SCN3A: variants seen among roughly 807,000 people sequenced by gnomAD.
SCN3A encodes the protein sodium channel protein type 3 subunit alpha.
Under a neutral mutation model 187.6 loss-of-function variants are expected in SCN3A, and 60 were observed. The observed-to-expected ratio is 0.32, with a 90% CI of 0.26 to 0.40. SCN3A has a LOEUF of 0.40. Among genes scored for constraint, SCN3A ranks in the 10% least tolerant of loss-of-function variants. The pLI is 1.00. For missense variants in SCN3A, 1,601 were observed against 2,428.2 expected (o/e 0.66, Z 7.16); for synonymous variants, 788 against 829.2 (o/e 0.95, Z 0.85).
At chr2:165,165,583 A>G (rs1689705057) in intron 5 of SCN3A, among the ~76,000 whole-genome samples, 1 of 152,116 alleles carries the variant, frequency 6.6e-6, no homozygotes, top group Non-Finnish European at 1.5e-5. Context: ...TTTTTTTCCC[A>G]AAATAGTTGA....
At chr2:165,142,482 C>T (rs1437855750) in intron 12 of SCN3A, among the ~76,000 whole-genome samples, 1 of 152,096 alleles carries the variant, frequency 6.6e-6, no homozygotes, top group African/African-American at 2.4e-5. Flanking sequence ...TTAGATTCTC[C>T]ACAGGAACTA....
rs761857235 is a variant in SCN3A at position 165,176,132 on chromosome 2, T to C, written c.263A>G (p.Lys88Arg). The change falls in exon 3 of 28, where the codon AAA becomes AGA. Residue 88 changes from lysine to arginine, a missense_variant and splice_region_variant. By Grantham distance (26) the Lys-to-Arg change is conservative. Around this residue, in one of 11 missense-constraint regions of SCN3A, gnomAD observed 122 missense variants for 225.1 expected, o/e 0.54. Transcript: ENST00000283254. The stretch of plus-strand genomic sequence containing the variant: ...TAGAAGTCTAAAATCAATACTCACT[T>C]TCTTATTGATATAGTAGGGATCCAG... ...EDLDPYYINKKTFIVMNKGKA... is the reference protein window; with the variant it reads ...EDLDPYYINKRTFIVMNKGKA... 6.2e-7 allele frequency: 1 copy of C among 1,612,882 alleles called. No homozygotes were observed. Among genetic ancestry groups the C allele is most frequent in the Non-Finnish European group, 8.5e-7 (1 of 1,179,194 alleles).
chr2:165,165,295 G>T (rs966188587), intron 5 of SCN3A, among the ~76,000 whole-genome samples: 8 of 151,754 alleles, frequency 5.3e-5, no homozygotes, highest in Non-Finnish European at 8.8e-5. Flanking sequence ...AGATGTGTGT[G>T]TGTGTGTATA....
Position 165,092,770 on chromosome 2 carries a change from A to G in SCN3A, c.4537-246T>C. ...AAAGACAAAGCTGGATGAGACATAAATTAAGGCTGGGCGTGGCAACTCATG... is the reference window on the plus strand; with the variant it reads ...AAAGACAAAGCTGGATGAGACATAAGTTAAGGCTGGGCGTGGCAACTCATG... On this transcript the variant is annotated intron_variant, in intron 26 of 27. Transcript: ENST00000283254. This position sits in a 1 kb window ranked among gnomAD's most constrained non-coding sequence, Gnocchi z 4.2. The G allele has an allele frequency of 8.7e-6, 4 of 460,698 alleles. No individual in the cohort carries two copies. In the South Asian group the frequency reaches 1.0e-4, roughly 12 times the overall value. The allele number at this position is 460,698 out of a possible 1,614,324, so 28.5% of individuals were successfully genotyped here.
chr2:165,137,581 C>A (rs1429569624), intron 15 of SCN3A, among the ~76,000 whole-genome samples: 1 of 152,014 alleles, frequency 6.6e-6, no homozygotes, highest in Non-Finnish European at 1.5e-5. Flanking sequence ...AGTATTAGAT[C>A]TCCTGGTTTA....
chr2:165,135,951 C>T (rs1038857827), intron 15 of SCN3A, among the ~76,000 whole-genome samples: 13 of 152,094 alleles, frequency 8.5e-5, no homozygotes, highest in African/African-American at 3.1e-4. Context: ...CATCAGTCTC[C>T]CATTCCACTT....
In SCN3A at chr2:165,113,000, G is replaced by A; in HGVS notation, c.3728C>T (p.Ala1243Val). 6.2e-7 allele frequency: 1 copy of A among 1,612,684 alleles called. No individual in the cohort carries two copies. Among genetic ancestry groups the A allele is most frequent in the Non-Finnish European group, 8.5e-7 (1 of 1,179,332 alleles). ...GAATATATAGGTAAAGACTTTGTCA[G>A]CATATTCTAGCATGGTTTTGATAGT... Reference protein sequence around the residue: ...RKTIKTMLEYADKVFTYIFIL... With the variant: ...RKTIKTMLEYVDKVFTYIFIL... Residue 1243 changes from alanine to valine, a missense_variant, in exon 21 of 28, where the codon GCT becomes GTT. This residue lies in a region of SCN3A where 267 missense variants were observed against 313.2 expected (regional missense o/e 0.85). Coordinates refer to ENST00000283254, the MANE Select transcript of SCN3A (RefSeq NM_006922.4).
chr2:165,146,382 ATGTGTGTGTGTGTGTGTGTGTG>A (rs5836018), intron 12 of SCN3A, among the ~76,000 whole-genome samples: 1 of 107,850 alleles, frequency 9.3e-6, no homozygotes, highest in East Asian at 3.0e-4. Flanking sequence ...ATATATATAT[ATGTGTGTGTGTGTGTGTGTGTG>A]TGTGTGTGTG....
At chr2:165,128,993 T>C (rs17829596) in intron 17 of SCN3A, among the ~76,000 whole-genome samples, 15,729 of 152,240 alleles carry the variant, frequency 0.1, 990 homozygotes, top group Non-Finnish European at 0.14. Context: ...TTTCAGAATA[T>C]GTTACACTAT....
chr2:165,177,263 G>C (rs756283218), intron 2 of SCN3A, among the ~76,000 whole-genome samples: 1 of 152,114 alleles, frequency 6.6e-6, no homozygotes, highest in Non-Finnish European at 1.5e-5. Context: ...TTAAAAGCAT[G>C]GACTCAGGTG....
At chr2:165,173,332 C>T (rs1396725516) in intron 3 of SCN3A, among the ~76,000 whole-genome samples, 1 of 152,158 alleles carries the variant, frequency 6.6e-6, no homozygotes, top group Non-Finnish European at 1.5e-5. Flanking sequence ...TGCCTGGACT[C>T]AGATCCTGGA....
In SCN3A at chr2:165,092,048, A is replaced by T; in HGVS notation, c.4807+206T>A. The T allele has an allele frequency of 1.6e-6, 1 of 608,006 alleles. No homozygotes were observed. The highest frequency in any genetic ancestry group is 2.9e-6 in the Non-Finnish European group (1 of 344,562). The allele number at this position is 608,006 out of a possible 1,614,324, so 37.7% of individuals were successfully genotyped here. Reference sequence around the variant, plus strand: ...TCCTGTCTTCTTCACCTCTTTCCCAAATCTGGTATTCCTAACATGGTTTCT... The same window carrying T: ...TCCTGTCTTCTTCACCTCTTTCCCATATCTGGTATTCCTAACATGGTTTCT... On this transcript the variant is annotated intron_variant, in intron 27 of 27. Coordinates refer to ENST00000283254, the MANE Select transcript of SCN3A (RefSeq NM_006922.4). The surrounding 1 kb of genome is among the most constrained non-coding windows in gnomAD (Gnocchi z 4.2).
chr2:165,185,388 T>C (rs932277980), intron 2 of SCN3A, among the ~76,000 whole-genome samples: 4 of 152,220 alleles, frequency 2.6e-5, no homozygotes, highest in African/African-American at 7.2e-5. Context: ...GGACCAGGTA[T>C]ATGATCTAAT....
intron 5 of SCN3A, among the ~76,000 whole-genome samples, chr2:165,164,967 A>G (rs1371149328): frequency 1.3e-5 from 2 of 152,156 alleles, no homozygotes; most frequent in Non-Finnish European, 2.9e-5. Flanking sequence ...AACAATTAAT[A>G]TTAGCCAAAT....
intron 12 of SCN3A, 108 bp downstream of exon 12, chr2:165,146,631 T>A: frequency 8.9e-7 from 1 of 1,119,482 alleles, no homozygotes; most frequent in Non-Finnish European, 1.3e-6. Flanking sequence ...GTTAGTTCCC[T>A]GTCCCTCACT....
intron 15 of SCN3A, among the ~76,000 whole-genome samples, chr2:165,132,637 G>T (rs1340460392): frequency 1.3e-5 from 2 of 152,058 alleles, no homozygotes. Context: ...AATTCAAGAT[G>T]GATTAAAGAC....
chr2:165,088,459 AC>A lies in SCN3A; in HGVS notation c.*1690del, dbSNP rs771430773. 124 of 152,618 alleles carry A rather than the reference AC, an allele frequency of 8.1e-4. No individual in the cohort carries two copies. Among genetic ancestry groups the A allele is most frequent in the East Asian group, 1.4e-3 (7 of 5,182 alleles). The allele number at this position is 152,618 out of a possible 1,614,324, so 9.5% of individuals were successfully genotyped here. A position where few individuals can be genotyped will look rare whatever the true frequency, so the allele number is the denominator to read the frequency against. On this transcript the variant is annotated 3_prime_UTR_variant, in exon 28 of 28. Coordinates refer to ENST00000283254, the MANE Select transcript of SCN3A (RefSeq NM_006922.4). ...TACTACAAAAGTTGAATAAAAAAAA[AC>A]ATCTATGAATAAAAGGTTATATTGA...
At chr2:165,163,740 A>G (rs769991139) in intron 6 of SCN3A, 31 bp from the exon 7 acceptor site, 21 of 1,613,724 alleles carry the variant, frequency 1.3e-5, no homozygotes, top group Non-Finnish European at 1.8e-5. Context: ...CACAAACACA[A>G]TAACACACAA....
At chr2:165,109,189 C>T (rs1246861718) in intron 21 of SCN3A, among the ~76,000 whole-genome samples, 1 of 152,090 alleles carries the variant, frequency 6.6e-6, no homozygotes, top group African/African-American at 2.4e-5. Context: ...GGCTGGTTCT[C>T]CTTTGCCCAA....
Sources: gnomAD v4.1 joint callset for allele counts (sites outside exome capture counted in the v4.1 genomes callset) on GRCh38, gnomAD v4.1.1 for gene constraint, gnomAD v4.1.1 regional missense constraint, Gnocchi (gnomAD v3.1) non-coding constraint, MANE v1.5 for transcripts, NCBI Gene and HGNC (gene_info 2026-07-23, HGNC 2026-07-21) for gene names.